The following LRFN5 variants were observed in gnomAD, a reference collection of about 807,000 sequenced individuals.
LRFN5 encodes the protein leucine-rich repeat and fibronectin type-III domain-containing protein 5.
LRFN5 carries 24 observed loss-of-function variants against 45.6 expected under a neutral mutation model. The ratio of observed to expected loss-of-function variants is 0.53; its 90% CI spans 0.38 to 0.74. The LOEUF (loss-of-function observed/expected upper bound fraction) is 0.74. Ranked by LOEUF, LRFN5 falls within the 30% of genes least tolerant of loss-of-function variation. The probability of loss-of-function intolerance (pLI) is 0.00; values close to 1 mark genes in which losing one functional copy is unlikely to be tolerated. For synonymous variants in LRFN5, 340 were observed against 313.8 expected (o/e 1.08, Z -0.88); for missense variants, 776 against 861.5 (o/e 0.90, Z 1.24).
At chr14:41,763,606 G>A (rs1453628966) in intron 1 of LRFN5, among the ~76,000 whole-genome samples, 1 of 152,136 alleles carries the variant, frequency 6.6e-6, no homozygotes, top group Non-Finnish European at 1.5e-5. Flanking sequence ...CATGGGTGCA[G>A]GTCTTTCCAA....
At chr14:41,628,820 T>G (rs766471556) in intron 1 of LRFN5, among the ~76,000 whole-genome samples, 1 of 152,104 alleles carries the variant, frequency 6.6e-6, no homozygotes, top group South Asian at 2.1e-4. Flanking sequence ...AAACTTCGTG[T>G]GCCCTGGCAG....
At chr14:41,852,080 A>G (rs1889286879) in intron 2 of LRFN5, among the ~76,000 whole-genome samples, 1 of 151,854 alleles carries the variant, frequency 6.6e-6, no homozygotes, top group Non-Finnish European at 1.5e-5. Flanking sequence ...TGTGGATATA[A>G]CTATACTCCC....
intron 2 of LRFN5, among the ~76,000 whole-genome samples, chr14:41,865,486 A>G (rs1566491978): frequency 6.6e-6 from 1 of 152,150 alleles, no homozygotes; most frequent in Non-Finnish European, 1.5e-5. Context: ...AGACATTTGA[A>G]TTGTTTCCAC....
chr14:41,666,534 T>C (rs1012253409), intron 1 of LRFN5, among the ~76,000 whole-genome samples: 1 of 152,138 alleles, frequency 6.6e-6, no homozygotes, highest in African/African-American at 2.4e-5. Context: ...CATTTTTTTC[T>C]GTAATTCCTC....
At position 41,622,918 on chromosome 14, in the gene LRFN5, C is replaced by T. The variant is rs544679873; in HGVS notation, c.-197+14356C>T. Among the ~76,000 whole-genome samples the T allele has an allele frequency of 2.3e-4, 35 of 152,094 alleles. 1 individual carries two copies. The highest frequency in any genetic ancestry group is 9.8e-4 in the Admixed American group (15 of 15,264). ...TTATCAACTTCCTTTTAGCTTTGTA[C>T]AATAATTTAATTTTAAGCTTATATG... On this transcript the variant is annotated intron_variant, in intron 1 of 5. Coordinates refer to ENST00000298119, the MANE Select transcript of LRFN5 (RefSeq NM_152447.5).
At chr14:41,731,313 T>A (rs1164591779) in intron 1 of LRFN5, 2 of 152,134 alleles carry the variant, frequency 1.3e-5, no homozygotes, top group South Asian at 2.1e-4. Context: ...TCTCTCTTTT[T>A]AAATTTGTCA....
At chr14:41,628,323 G>A (rs1311783731) in intron 1 of LRFN5, among the ~76,000 whole-genome samples, 1 of 152,074 alleles carries the variant, frequency 6.6e-6, no homozygotes, top group Non-Finnish European at 1.5e-5. Flanking sequence ...GTCAGGTTTT[G>A]CATCTTTAAC....
At chr14:41,897,267 G>T (rs114633270) in intron 4 of LRFN5, among the ~76,000 whole-genome samples, 1,915 of 151,802 alleles carry the variant, frequency 0.013, 9 homozygotes, top group Middle Eastern at 0.045. Flanking sequence ...CCTCACTAAG[G>T]TACTGTTAAT....
chr14:41,836,996 T>C (rs1888683707), intron 2 of LRFN5, among the ~76,000 whole-genome samples: 1 of 151,810 alleles, frequency 6.6e-6, no homozygotes, highest in Non-Finnish European at 1.5e-5. Flanking sequence ...ACTTGGGAAG[T>C]TAACTAAGCT....
intron 2 of LRFN5, among the ~76,000 whole-genome samples, chr14:41,781,700 G>A (rs1886534239): frequency 6.6e-6 from 1 of 150,546 alleles, no homozygotes. Context: ...AAGAAAAAGA[G>A]AAAGAAAAAG....
intron 1 of LRFN5, chr14:41,700,327 T>C (rs1226367444): frequency 6.6e-6 from 1 of 152,076 alleles, no homozygotes; most frequent in Non-Finnish European, 1.5e-5. Context: ...TTTTGATGAA[T>C]GTAAAGAGGC....
intron 2 of LRFN5, among the ~76,000 whole-genome samples, chr14:41,823,537 A>G (rs896764545): frequency 6.6e-6 from 1 of 152,072 alleles, no homozygotes; most frequent in African/African-American, 2.4e-5. Context: ...GATTTATTTT[A>G]TAGGTAATTA....
In LRFN5 at chr14:41,634,113, G is replaced by A. The variant is rs539290791; in HGVS notation, c.-197+25551G>A. ...CTTCAGTGTCACAGGATTCTTCATA[G>A]TACAGTGACTGTTATAAAATAAACT... On this transcript the variant is annotated intron_variant, in intron 1 of 5. Coordinates refer to ENST00000298119, the MANE Select transcript of LRFN5 (RefSeq NM_152447.5). Among the ~76,000 whole-genome samples the A allele has an allele frequency of 6.6e-5, 10 of 152,082 alleles. No homozygotes were observed. The South Asian group carries it at 2.1e-3, about 32-fold the overall frequency.
At chr14:41,757,615 A>G (rs887950651) in intron 1 of LRFN5, among the ~76,000 whole-genome samples, 5 of 152,172 alleles carry the variant, frequency 3.3e-5, no homozygotes, top group Non-Finnish European at 7.3e-5. Context: ...AAAGCACAGT[A>G]TTAGGGTGGG....
intron 2 of LRFN5, among the ~76,000 whole-genome samples, chr14:41,822,888 C>T (rs1430328128): frequency 7.5e-6 from 1 of 133,834 alleles, no homozygotes; most frequent in African/African-American, 2.8e-5. Flanking sequence ...ATCTCTTTCT[C>T]ATTATATAAT....
At chr14:41,686,147 A>T (rs1271269922) in intron 1 of LRFN5, among the ~76,000 whole-genome samples, 1 of 152,052 alleles carries the variant, frequency 6.6e-6, no homozygotes, top group Non-Finnish European at 1.5e-5. Context: ...TTCCTTGAGC[A>T]GGCGTTTGTA....
intron 1 of LRFN5, among the ~76,000 whole-genome samples, chr14:41,624,643 A>G (rs1231660688): frequency 2.0e-5 from 3 of 152,136 alleles, no homozygotes; most frequent in Non-Finnish European, 4.4e-5. Context: ...TGGTTAAGCA[A>G]TGTTGAATTA....
intron 1 of LRFN5, among the ~76,000 whole-genome samples, chr14:41,752,844 C>G (rs1258503110): frequency 2.6e-5 from 4 of 152,096 alleles, no homozygotes; most frequent in Non-Finnish European, 5.9e-5. Flanking sequence ...CTTGCCCATG[C>G]CTATGTCCTG....
intron 1 of LRFN5, among the ~76,000 whole-genome samples, chr14:41,692,080 A>C (rs10138108): frequency 0.57 from 86,079 of 151,812 alleles, 26,552 homozygotes; most frequent in East Asian, 0.98. Context: ...TTTCAGTTGT[A>C]TTGGGCAAAC....
Sources: gnomAD v4.1 joint callset for allele counts (sites outside exome capture counted in the v4.1 genomes callset) on GRCh38, gnomAD v4.1.1 for gene constraint, MANE v1.5 for transcripts, NCBI Gene and HGNC (gene_info 2026-07-23, HGNC 2026-07-21) for gene names.